ANKRD45: variants seen among roughly 807,000 people sequenced by gnomAD.
ANKRD45 encodes ankyrin repeat domain 45, also known as ankyrin repeat domain-containing protein 45.
In ANKRD45, 21 loss-of-function variants were observed where a neutral mutation model predicts 28.1. That is an observed-to-expected ratio of 0.75 (90% confidence interval 0.53 to 1.08). The LOEUF is 1.08. ANKRD45 is among the 50% of genes least tolerant of loss of function. The pLI, the probability that ANKRD45 is intolerant of heterozygous loss-of-function variation, is 0.00. For missense variants in ANKRD45, 261 were observed against 308.7 expected, an observed-to-expected ratio of 0.85 and a Z score of 1.16; for synonymous variants, 86 against 103.9, an observed-to-expected ratio of 0.83 and a Z score of 1.05.
At chr1:173,675,283 T>A in the ANKRD45 span, 1 of 283,230 alleles carries the variant, frequency 3.5e-6, no homozygotes. Context: ...GGAAAAAAAA[T>A]TGAAAACATT....
At chr1:173,699,200 A>AG in the ANKRD45 span, among the ~76,000 whole-genome samples, 1 of 152,214 alleles carries the variant, frequency 6.6e-6, no homozygotes, top group Admixed American at 6.5e-5. Flanking sequence ...AACCAAAAAA[A>AG]GTCCAGGACC....
At chr1:173,707,074 T>G in the ANKRD45 span, among the ~76,000 whole-genome samples, 1 of 152,226 alleles carries the variant, frequency 6.6e-6, no homozygotes. Context: ...TTTAAATGAT[T>G]AAGGGCATTT....
intron 3 of ANKRD45, among the ~76,000 whole-genome samples, chr1:173,636,055 C>A (rs1668425676): frequency 6.6e-6 from 1 of 152,080 alleles, no homozygotes; most frequent in Non-Finnish European, 1.5e-5. Flanking sequence ...TTAGAATCAT[C>A]TAGCCCCCTC....
intron 5 of ANKRD45, among the ~76,000 whole-genome samples, chr1:173,618,234 C>T (rs1429662122): frequency 1.3e-5 from 2 of 152,192 alleles, no homozygotes. Context: ...AGCCCAAGTG[C>T]CTCTTCTTCT....
the ANKRD45 span, among the ~76,000 whole-genome samples, chr1:173,682,364 A>T: frequency 6.6e-6 from 1 of 152,176 alleles, no homozygotes; most frequent in Non-Finnish European, 1.5e-5. Context: ...AAGTCAGCAA[A>T]TCAGGTAACA....
chr1:173,673,026 C>CA (rs1344053509), upstream of ANKRD45, among the ~76,000 whole-genome samples: 4 of 151,574 alleles, frequency 2.6e-5, no homozygotes, highest in African/African-American at 9.7e-5. Flanking sequence ...GAGAGGTTTC[C>CA]AAAACTATTG....
chr1:173,631,911 C>T (rs1372377280), intron 3 of ANKRD45, among the ~76,000 whole-genome samples: 1 of 150,696 alleles, frequency 6.6e-6, no homozygotes, highest in African/African-American at 2.4e-5. Flanking sequence ...AAATAAACAC[C>T]TTAACAATAC....
At chr1:173,656,245 C>A (rs112625711) in intron 2 of ANKRD45, among the ~76,000 whole-genome samples, 2 of 152,196 alleles carry the variant, frequency 1.3e-5, no homozygotes, top group Admixed American at 6.5e-5. Context: ...GTAATGGACC[C>A]ATGTCTTAAA....
the ANKRD45 span, among the ~76,000 whole-genome samples, chr1:173,691,202 A>T: frequency 6.6e-6 from 1 of 151,962 alleles, no homozygotes; most frequent in Non-Finnish European, 1.5e-5. Context: ...GCAGTATGTG[A>T]GGATCCTTTA....
rs1216881956 is a variant in ANKRD45 at position 173,609,133 on chromosome 1, G to T, written c.*1012C>A. On this transcript the variant is annotated 3_prime_UTR_variant, in exon 6 of 6. Transcript: ENST00000333279. ...TGCTTTAAAAAATTGAAACTGAATT[G>T]CTCATACATTAAAAGGATAAAAAAC... 1.3e-5 allele frequency among the ~76,000 whole-genome samples: 2 copies of T among 152,080 alleles called. No homozygotes were observed. The highest frequency in any genetic ancestry group is 6.5e-5 in the Admixed American group (1 of 15,270).
rs2102302300 is a variant in ANKRD45, at chr1:173,609,201, C to T, written c.*944G>A. Among the ~76,000 whole-genome samples the T allele has an allele frequency of 6.6e-6, 1 of 152,198 alleles. No homozygotes were observed. The highest frequency in any genetic ancestry group is 2.1e-4 in the South Asian group (1 of 4,812). On this transcript the variant is annotated 3_prime_UTR_variant, in exon 6 of 6. Transcript: ENST00000333279. ...ATTTAAAACAGGGTTATCTCAAAAC[C>T]ATGGTTAAATAAATGTCAACTGACA...
upstream of ANKRD45, among the ~76,000 whole-genome samples, chr1:173,670,999 T>A (rs1670230475): frequency 6.6e-6 from 1 of 152,196 alleles, no homozygotes; most frequent in African/African-American, 2.4e-5. Flanking sequence ...TATCACCTAG[T>A]GTGCAAGTCC....
At chr1:173,623,160 T>C (rs1188738182) in intron 5 of ANKRD45, among the ~76,000 whole-genome samples, 2 of 150,240 alleles carry the variant, frequency 1.3e-5, no homozygotes, top group Non-Finnish European at 3.0e-5. Context: ...CAAAAAAATA[T>C]AAAAATTAGC....
rs144223109 is a variant in ANKRD45, at chr1:173,650,519, G to A, written c.329-3506C>T. Among the ~76,000 whole-genome samples the A allele has an allele frequency of 6.5e-3, 992 of 152,266 alleles. 11 individuals are homozygous for A. The highest frequency in any genetic ancestry group is 0.022 in the African/African-American group (915 of 41,542). On this transcript the variant is annotated intron_variant, in intron 2 of 5. Coordinates refer to ENST00000333279, the MANE Select transcript of ANKRD45 (RefSeq NM_198493.3). ...TCTATCATTGATGGGCACTTGGGTTGGTTCCAAGTCTTTGCTATTGTGAAT... is the reference window on the plus strand; with the variant it reads ...TCTATCATTGATGGGCACTTGGGTTAGTTCCAAGTCTTTGCTATTGTGAAT...
chr1:173,712,209 C>A, the ANKRD45 span, among the ~76,000 whole-genome samples: 1 of 152,106 alleles, frequency 6.6e-6, no homozygotes, highest in Admixed American at 6.6e-5. Flanking sequence ...TATACCCAAC[C>A]AATTGGCAAA....
chr1:173,697,985 T>A, the ANKRD45 span, among the ~76,000 whole-genome samples: 21 of 135,162 alleles, frequency 1.6e-4, no homozygotes, highest in African/African-American at 3.5e-4. Flanking sequence ...ACCAAGAAAA[T>A]GGAAAGAAAA....
At chr1:173,670,629 A>G (rs1239227226), upstream of ANKRD45, among the ~76,000 whole-genome samples, 2 of 152,188 alleles carry the variant, frequency 1.3e-5, no homozygotes, top group Non-Finnish European at 2.9e-5. Context: ...AAATTTCACC[A>G]TTGTTACAGT....
intron 5 of ANKRD45, among the ~76,000 whole-genome samples, chr1:173,620,145 A>G (rs1303877805): frequency 6.6e-6 from 1 of 152,228 alleles, no homozygotes; most frequent in Non-Finnish European, 1.5e-5. Flanking sequence ...AAAACAACAG[A>G]ATATACGTTC....
chr1:173,681,942 T>G, the ANKRD45 span, among the ~76,000 whole-genome samples: 5 of 151,122 alleles, frequency 3.3e-5, no homozygotes, highest in Admixed American at 6.6e-5. Flanking sequence ...CCCAGCTACT[T>G]GGGAGGCTGA....
Sources: allele counts gnomAD v4.1 joint callset (sites outside exome capture counted in the v4.1 genomes callset), GRCh38; gene constraint gnomAD v4.1.1; transcripts MANE v1.5; gene names NCBI Gene and HGNC (gene_info 2026-07-23, HGNC 2026-07-21).